The following COG6 variants were observed in gnomAD, a reference collection of about 807,000 sequenced individuals.
COG6 encodes the protein conserved oligomeric Golgi complex subunit 6.
A neutral mutation model predicts 88.8 loss-of-function variants in COG6; 74 were observed. The observed-to-expected ratio is 0.83, with a 90% CI of 0.69 to 1.01. The LOEUF is 1.01. COG6 is among the 50% of genes least tolerant of loss of function. The probability of loss-of-function intolerance (pLI) is 0.00; values close to 1 mark genes in which losing one functional copy is unlikely to be tolerated. For synonymous variants in COG6, 286 were observed against 278.7 expected, an observed-to-expected ratio of 1.03 and a Z score of -0.26; for missense variants, 800 against 797.9, an observed-to-expected ratio of 1.00 and a Z score of -0.03.
chr13:39,755,070 A>C (rs1880789361), downstream of COG6, among the ~76,000 whole-genome samples: 2 of 152,176 alleles, frequency 1.3e-5, no homozygotes, highest in South Asian at 4.1e-4. Context: ...GAACTTAAAA[A>C]TTTTGTCCCT....
intron 18 of COG6, among the ~76,000 whole-genome samples, chr13:39,779,701 T>A (rs1442345653): frequency 1.3e-5 from 2 of 152,178 alleles, no homozygotes; most frequent in African/African-American, 2.4e-5. Context: ...GTGGCTTCAT[T>A]GAACGAAGAC....
intron 18 of COG6, among the ~76,000 whole-genome samples, chr13:39,774,007 A>G (rs1008577969): frequency 6.6e-5 from 10 of 152,088 alleles, no homozygotes; most frequent in Admixed American, 2.0e-4. Context: ...CTGACTGTAC[A>G]GGCTTCGAAA....
chr13:39,677,305 T>TACATTA (rs1876030486), intron 4 of COG6, among the ~76,000 whole-genome samples, 163 bp from the exon 5 acceptor site: 1 of 152,204 alleles, frequency 6.6e-6, no homozygotes. Context: ...CCTACATGTC[T>TACATTA]GATAAAATTC....
At chr13:39,776,975 A>G (rs1881482559) in intron 18 of COG6, among the ~76,000 whole-genome samples, 1 of 152,276 alleles carries the variant, frequency 6.6e-6, no homozygotes, top group East Asian at 1.9e-4. Context: ...TGTTACCAGG[A>G]AGAAACCAAA....
chr13:39,699,520 G>C lies in COG6; in HGVS notation c.1186G>C (p.Ala396Pro). 6.4e-7 allele frequency: 1 copy of C among 1,574,440 alleles called. No homozygotes were observed. Among genetic ancestry groups the C allele is most frequent in the Non-Finnish European group, 8.7e-7 (1 of 1,145,164 alleles). The change falls in exon 13 of 19, where the codon GCA (alanine) becomes CCA (proline). Residue 396 changes from alanine to proline, a missense_variant. Physicochemically the swap from Ala to Pro is conservative, Grantham distance 27. Transcript: ENST00000455146. Reference sequence around the variant, plus strand: ...TTTTAGTGGTATTGTTGGAAATAGTGCAACTGCATTATTGACTACCATTGA... The same window carrying C: ...TTTTAGTGGTATTGTTGGAAATAGTCCAACTGCATTATTGACTACCATTGA... Reference protein sequence around the residue: ...HTISGIVGNSATALLTTIEEM... With the variant: ...HTISGIVGNSPTALLTTIEEM...
chr13:39,660,076 T>A (rs1450605038), intron 2 of COG6, among the ~76,000 whole-genome samples: 2 of 152,200 alleles, frequency 1.3e-5, no homozygotes, highest in Non-Finnish European at 2.9e-5. Flanking sequence ...CTATGTGAGT[T>A]ATGGAAGTGT....
chr13:39,744,117 G>A (rs1426010215), intron 18 of COG6, among the ~76,000 whole-genome samples: 2 of 152,106 alleles, frequency 1.3e-5, no homozygotes, highest in African/African-American at 4.8e-5. Flanking sequence ...AATAATAAGA[G>A]CTATTTATGA....
intron 4 of COG6, among the ~76,000 whole-genome samples, chr13:39,670,030 G>A (rs1593411832): frequency 6.6e-6 from 1 of 152,032 alleles, no homozygotes; most frequent in African/African-American, 2.4e-5. Flanking sequence ...GTTTCTATAT[G>A]GGATTATTTG....
chr13:39,739,830 C>T (rs1879954606), intron 18 of COG6, among the ~76,000 whole-genome samples: 1 of 152,056 alleles, frequency 6.6e-6, no homozygotes, highest in Non-Finnish European at 1.5e-5. Context: ...ATTAATAAAA[C>T]TTATTAATTT....
intron 18 of COG6, among the ~76,000 whole-genome samples, chr13:39,781,315 C>T (rs755173143): frequency 2.6e-5 from 4 of 152,142 alleles, no homozygotes; most frequent in African/African-American, 9.7e-5. Context: ...CATCCCAATT[C>T]ACTGGAACAT....
At chr13:39,758,407 A>T (rs1213407824) in intron 18 of COG6, among the ~76,000 whole-genome samples, 1 of 152,050 alleles carries the variant, frequency 6.6e-6, no homozygotes, top group Non-Finnish European at 1.5e-5. Context: ...AAAACAAAAG[A>T]CAACTAAATT....
intron 5 of COG6, 159 bp from the exon 6 acceptor site, chr13:39,679,379 A>G (rs1876170493): frequency 1.6e-6 from 1 of 642,612 alleles, no homozygotes; most frequent in Admixed American, 2.6e-5. Context: ...AATACCAGTT[A>G]CACCGTCTAT....
intron 18 of COG6, among the ~76,000 whole-genome samples, chr13:39,784,611 G>T (rs560896910): frequency 1.3e-5 from 2 of 152,162 alleles, no homozygotes; most frequent in Non-Finnish European, 2.9e-5. Flanking sequence ...AATTCATGTG[G>T]CAATTGTCCA....
downstream of COG6, among the ~76,000 whole-genome samples, chr13:39,755,363 T>G (rs1298632951): frequency 6.6e-6 from 1 of 152,134 alleles, no homozygotes; most frequent in Non-Finnish European, 1.5e-5. Flanking sequence ...TTGATCTGTC[T>G]GATAGCTCCC....
chr13:39,788,776 G>A, exon 19 of COG6: 1 of 158,462 alleles, frequency 6.3e-6, no homozygotes, highest in Admixed American at 6.4e-5. Context: ...ATGACCTGAA[G>A]AAAAGTAAGC....
At chr13:39,771,332 C>T (rs575822186) in intron 18 of COG6, among the ~76,000 whole-genome samples, 57 of 152,212 alleles carry the variant, frequency 3.7e-4, no homozygotes, top group African/African-American at 1.4e-3. Context: ...ACTTCTTCGT[C>T]CATCGTCTCC....
intron 12 of COG6, among the ~76,000 whole-genome samples, chr13:39,696,351 G>T (rs568531356): frequency 4.0e-4 from 61 of 151,784 alleles, no homozygotes; most frequent in African/African-American, 1.4e-3. Flanking sequence ...TAGTGGTAAG[G>T]GTACTGAAGA....
In COG6 at chr13:39,752,094, C is replaced by G. The variant is rs764057670; in HGVS notation, c.*1001C>G. The G allele has an allele frequency of 1.4e-4, 185 of 1,282,870 alleles. No homozygotes were observed. The highest frequency in any genetic ancestry group is 1.8e-4 in the Non-Finnish European group (181 of 985,696). The allele number at this position is 1,282,870 out of a possible 1,614,324, so 79.5% of individuals were successfully genotyped here. On this transcript the variant is annotated 3_prime_UTR_variant, in exon 19 of 19. Coordinates refer to ENST00000455146, the MANE Select transcript of COG6 (RefSeq NM_020751.3). ...TACCTATTAGGAAGATTAAAAATGACTGTATTTTTAAAGGAATAAATCCCA... is the reference window on the plus strand; with the variant it reads ...TACCTATTAGGAAGATTAAAAATGAGTGTATTTTTAAAGGAATAAATCCCA...
At chr13:39,698,312 C>A (rs1310623316) in intron 12 of COG6, among the ~76,000 whole-genome samples, 1 of 151,900 alleles carries the variant, frequency 6.6e-6, no homozygotes, top group Non-Finnish European at 1.5e-5. Context: ...TACTTGTTTT[C>A]ATTGCATGTG....
Sources: gnomAD v4.1 joint callset for allele counts (sites outside exome capture counted in the v4.1 genomes callset) on GRCh38, gnomAD v4.1.1 for gene constraint, MANE v1.5 for transcripts, NCBI Gene and HGNC (gene_info 2026-07-23, HGNC 2026-07-21) for gene names.